The following HKDC1 variants were observed in gnomAD, a reference collection of about 807,000 sequenced individuals.
HKDC1 encodes the protein hexokinase HKDC1.
A neutral mutation model predicts 96.6 loss-of-function variants in HKDC1; 66 were observed. The ratio of observed to expected loss-of-function variants is 0.68; its 90% CI spans 0.56 to 0.84. The LOEUF is 0.84. HKDC1 is among the 40% of genes least tolerant of loss of function. The probability of loss-of-function intolerance (pLI) is 0.00; values close to 1 mark genes in which losing one functional copy is unlikely to be tolerated. For synonymous variants in HKDC1, 466 were observed against 473.1 expected (o/e 0.98, Z 0.20); for missense variants, 1,211 against 1,208.1 (o/e 1.00, Z -0.04).
At position 69,266,913 on chromosome 10, in the gene HKDC1, G is replaced by C; in HGVS notation, c.*156G>C. On this transcript the variant is annotated 3_prime_UTR_variant, in exon 18 of 18. Transcript: ENST00000354624. ...GGTTCTCGGGTACTCTTAGTATCTT[G>C]TACTGGATTTGCAGTGACATTACAT... 1.5e-6 allele frequency: 1 copy of C among 659,130 alleles called. No homozygotes were observed. The highest frequency in any genetic ancestry group is 2.3e-5 in the South Asian group (1 of 44,122). The allele number at this position is 659,130 out of a possible 1,614,324, so 40.8% of individuals were successfully genotyped here.
At chr10:69,265,842 C>T (rs764361787) in intron 17 of HKDC1, 24 bp downstream of exon 17, 20 of 696,460 alleles carry the variant, frequency 2.9e-5, no homozygotes, top group South Asian at 1.1e-4. Context: ...AGAGGCGTGG[C>T]GGGTGGGGCT....
intron 2 of HKDC1, among the ~76,000 whole-genome samples, chr10:69,230,263 T>C (rs1843231058): frequency 6.6e-6 from 1 of 152,214 alleles, no homozygotes; most frequent in Non-Finnish European, 1.5e-5. Context: ...TTCTTTGGCT[T>C]GACCCCTGCT....
At chr10:69,242,965 AC>A (rs1464512485) in intron 6 of HKDC1, among the ~76,000 whole-genome samples, 1 of 152,190 alleles carries the variant, frequency 6.6e-6, no homozygotes, top group Non-Finnish European at 1.5e-5. Context: ...AGAACAGCAA[AC>A]CCTGAGCACC....
chr10:69,257,330 T>C lies in HKDC1; in HGVS notation c.1936T>C (p.Phe646Leu), dbSNP rs748500904. ...TTGTTTTTGTTTTTGTTTTTAGGAG[T>C]TTGACCTGGACATTGTTGCAGTCGT... ...LREAIKRRNEFDLDIVAVVND... is the reference protein window; with the variant it reads ...LREAIKRRNELDLDIVAVVND... The change falls in exon 14 of 18, where the codon TTT becomes CTT. Residue 646 changes from phenylalanine to leucine, a missense_variant. Physicochemically the swap from Phe to Leu is conservative, Grantham distance 22. Coordinates refer to ENST00000354624, the MANE Select transcript of HKDC1 (RefSeq NM_025130.4). 4 of 1,613,260 alleles carry C rather than the reference T, an allele frequency of 2.5e-6. No individual in the cohort carries two copies. In the South Asian group the frequency reaches 4.4e-5, roughly 18 times the overall value.
At chr10:69,228,820 T>C (rs2132334378) in intron 2 of HKDC1, among the ~76,000 whole-genome samples, 1 of 150,658 alleles carries the variant, frequency 6.6e-6, no homozygotes, top group South Asian at 2.1e-4. Flanking sequence ...GAGCCGAGAT[T>C]GCGCCACTGC....
intron 16 of HKDC1, among the ~76,000 whole-genome samples, chr10:69,262,909 A>G (rs1843829669): frequency 6.6e-6 from 1 of 150,796 alleles, no homozygotes; most frequent in African/African-American, 2.4e-5. Context: ...AAGTTTACTT[A>G]TCTTTGCCTT....
At chr10:69,249,765 C>T (rs1843607269) in intron 10 of HKDC1, among the ~76,000 whole-genome samples, 1 of 152,192 alleles carries the variant, frequency 6.6e-6, no homozygotes, top group Non-Finnish European at 1.5e-5. Context: ...TCCCAAAGTG[C>T]TGGGATTACA....
chr10:69,241,213 C>T (rs1332518624), intron 6 of HKDC1, among the ~76,000 whole-genome samples: 1 of 152,120 alleles, frequency 6.6e-6, no homozygotes, highest in East Asian at 1.9e-4. Flanking sequence ...GGTAGGGAGT[C>T]CCTGCCAAAG....
In HKDC1 at chr10:69,238,598, G is replaced by A. The variant is rs1589407579; in HGVS notation, c.496-444G>A. ...TCACCTTGTTAGCCAGGATGGTCTC[G>A]ATCTCCTGACCTCATGATCCACCCG... On this transcript the variant is annotated intron_variant, in intron 4 of 17. Transcript: ENST00000354624. Among the ~76,000 whole-genome samples the A allele has an allele frequency of 6.7e-5, 2 of 30,072 alleles. 1 individual carries two copies. The highest frequency in any genetic ancestry group is 5.5e-4 in the Admixed American group (2 of 3,606). 19.7% of individuals were successfully genotyped at this position (30,072 alleles called of 152,430 possible). A position where few individuals can be genotyped will look rare whatever the true frequency, so the allele number is the denominator to read the frequency against.
At position 69,261,213 on chromosome 10, in the gene HKDC1, G is replaced by A; in HGVS notation, c.2291G>A (p.Gly764Asp). 1.9e-6 allele frequency: 3 copies of A among 1,614,056 alleles called. No homozygotes were observed. Among genetic ancestry groups the A allele is most frequent in the Non-Finnish European group, 2.5e-6 (3 of 1,179,938 alleles). ...ATCCTGATCGACCTGACCAAGCAGGGTCTCCTCTTCCGAGGGCAGATTTCA... is the reference window on the plus strand; with the variant it reads ...ATCCTGATCGACCTGACCAAGCAGGATCTCCTCTTCCGAGGGCAGATTTCA... ...RQILIDLTKQGLLFRGQISER... is the reference protein window; with the variant it reads ...RQILIDLTKQDLLFRGQISER... The change falls in exon 16 of 18, where the codon GGT becomes GAT. Residue 764 changes from glycine to aspartate, a missense_variant. Physicochemically the swap from Gly to Asp is moderately conservative, Grantham distance 94 (BLOSUM62 -1). Transcript: ENST00000354624.
At position 69,233,765 on chromosome 10, in the gene HKDC1, C is replaced by T. The variant is rs147473001; in HGVS notation, c.495+632C>T. ...TGCAAAAAATTAGCTGGGTGTGGTG[C>T]CGGGCGCCTGTAGTCCCAGCCACTT... is the stretch of plus-strand genomic sequence containing the variant. On this transcript the variant is annotated intron_variant, in intron 4 of 17. Transcript: ENST00000354624. Among the ~76,000 whole-genome samples, 1,023 of 151,962 alleles carry T rather than the reference C, an allele frequency of 6.7e-3. 15 individuals carry two copies. The highest frequency in any genetic ancestry group is 0.024 in the African/African-American group (981 of 41,442).
intron 8 of HKDC1, among the ~76,000 whole-genome samples, 191 bp from the exon 9 acceptor site, chr10:69,247,169 A>G (rs1332306113): frequency 6.6e-6 from 1 of 152,202 alleles, no homozygotes; most frequent in Non-Finnish European, 1.5e-5. Flanking sequence ...TCCTTAGACA[A>G]GTACCTGGCT....
At chr10:69,252,458 A>G (rs1386101383) in intron 12 of HKDC1, among the ~76,000 whole-genome samples, 1 of 152,042 alleles carries the variant, frequency 6.6e-6, no homozygotes, top group Admixed American at 6.6e-5. Context: ...ATCCTGGCTA[A>G]CATGGTGAAA....
chr10:69,248,338 G>C, intron 9 of HKDC1, 86 bp from the exon 10 acceptor site: 2 of 1,396,360 alleles, frequency 1.4e-6, no homozygotes, highest in South Asian at 1.4e-5. Flanking sequence ...AGGGCCCTCC[G>C]GGACTGGGTT....
chr10:69,230,674 A>G (rs184618908), intron 2 of HKDC1, among the ~76,000 whole-genome samples: 4 of 152,238 alleles, frequency 2.6e-5, no homozygotes, highest in Admixed American at 2.6e-4. Context: ...AGTGCAATGG[A>G]GCCATCATAG....
At chr10:69,235,506 T>C (rs145824100) in intron 4 of HKDC1, among the ~76,000 whole-genome samples, 1 of 152,188 alleles carries the variant, frequency 6.6e-6, no homozygotes, top group Non-Finnish European at 1.5e-5. Context: ...TGAGACCAAG[T>C]GGAGCTGGCT....
In HKDC1 at chr10:69,266,816, A is replaced by G; in HGVS notation, c.*59A>G. 6.4e-7 allele frequency: 1 copy of G among 1,561,496 alleles called. No individual in the cohort carries two copies. ...TACTGAACAGCTTTTCCTCTGGCAG[A>G]TCAGTTGGTCAGAGACCAATGGGCA... On this transcript the variant is annotated 3_prime_UTR_variant, in exon 18 of 18. Coordinates refer to ENST00000354624, the MANE Select transcript of HKDC1 (RefSeq NM_025130.4).
chr10:69,233,893 G>A (rs1296049441), intron 4 of HKDC1, among the ~76,000 whole-genome samples: 11 of 1,110 alleles, frequency 9.9e-3, no homozygotes, highest in Non-Finnish European at 0.015. Flanking sequence ...GCAAGACTCC[G>A]TCTCAAAAAA....
chr10:69,261,143 G>A lies in HKDC1; in HGVS notation c.2221G>A (p.Glu741Lys), dbSNP rs773583335. The A allele has an allele frequency of 5.0e-6, 8 of 1,612,544 alleles. No homozygotes were observed. The highest frequency in any genetic ancestry group is 2.2e-5 in the South Asian group (2 of 91,038). Residue 741 changes from glutamate (E) to lysine (K), a missense_variant, in exon 16 of 18, where the codon GAG becomes AAG. Glu to Lys is a moderately conservative substitution (Grantham distance 56). Transcript: ENST00000354624. ...GSLNPGKQRY[E>K]KMTSGMYLGE... ...TTATCCTTCTTCTCCAAACAGATAC[G>A]AGAAAATGACCAGTGGGATGTACTT...
Sources: allele counts gnomAD v4.1 joint callset (sites outside exome capture counted in the v4.1 genomes callset), GRCh38; gene constraint gnomAD v4.1.1; transcripts MANE v1.5; gene names NCBI Gene and HGNC (gene_info 2026-07-23, HGNC 2026-07-21).